TRPC4AP: variants seen among roughly 807,000 people sequenced by gnomAD.
TRPC4AP encodes short transient receptor potential channel 4-associated protein.
A neutral mutation model predicts 99.0 loss-of-function variants in TRPC4AP; 45 were observed. The observed-to-expected ratio is 0.45, with a 90% CI of 0.36 to 0.58. The LOEUF is 0.58. Ranked by LOEUF, TRPC4AP falls within the 20% of genes least tolerant of loss-of-function variation. The pLI is 0.00. For missense variants in TRPC4AP, 879 were observed against 985.3 expected (o/e 0.89, Z 1.44); for synonymous variants, 408 against 385.8 (o/e 1.06, Z -0.67).
chr20:35,005,006 C>T (rs1355628684), intron 16 of TRPC4AP, among the ~76,000 whole-genome samples: 3 of 152,230 alleles, frequency 2.0e-5, no homozygotes, highest in Admixed American at 2.0e-4. Flanking sequence ...CGGCCCAGTG[C>T]TGAGACCACA....
At chr20:35,058,281 G>C (rs1600612702) in intron 3 of TRPC4AP, among the ~76,000 whole-genome samples, 1 of 152,186 alleles carries the variant, frequency 6.6e-6, no homozygotes, top group South Asian at 2.1e-4. Flanking sequence ...AGAAATAGAA[G>C]ACTTGAACAC....
intron 7 of TRPC4AP, among the ~76,000 whole-genome samples, chr20:35,038,294 TATC>T (rs2083370272): frequency 6.7e-6 from 1 of 149,824 alleles, no homozygotes; most frequent in Admixed American, 6.7e-5. Flanking sequence ...TTTTTTAACA[TATC>T]AGCTTGGCAA....
Position 35,081,651 on chromosome 20 carries a change from A to G in TRPC4AP, c.169-3477T>C, listed in dbSNP as rs147999684. On this transcript the variant is annotated intron_variant, in intron 1 of 18. Coordinates refer to ENST00000252015, the MANE Select transcript of TRPC4AP (RefSeq NM_015638.3). ...ATAATACTCAATGTAAACATATACC[A>G]AAAGGTAGTATAACTATATTAAAAT... 7.6e-3 allele frequency among the ~76,000 whole-genome samples: 1,158 copies of G among 152,334 alleles called. 9 individuals are homozygous for G. Among genetic ancestry groups the G allele is most frequent in the African/African-American group, 0.026 (1,100 of 41,582 alleles).
At chr20:35,053,191 A>T (rs2083745500) in intron 5 of TRPC4AP, among the ~76,000 whole-genome samples, 1 of 152,202 alleles carries the variant, frequency 6.6e-6, no homozygotes, top group Non-Finnish European at 1.5e-5. Context: ...TCTTTATGCT[A>T]AGAACCATTC....
intron 6 of TRPC4AP, among the ~76,000 whole-genome samples, chr20:35,045,489 GC>G (rs1388655878): frequency 6.6e-6 from 1 of 151,986 alleles, no homozygotes; most frequent in East Asian, 1.9e-4. Context: ...TCCTACCTCA[GC>G]TTCCCAAGTA....
intron 16 of TRPC4AP, among the ~76,000 whole-genome samples, chr20:35,005,285 C>A (rs2082493234): frequency 6.6e-6 from 1 of 152,174 alleles, no homozygotes; most frequent in Non-Finnish European, 1.5e-5. Flanking sequence ...CTGGATGCCA[C>A]AAGCCCTCTC....
At chr20:35,045,865 G>T (rs2083550933) in intron 6 of TRPC4AP, among the ~76,000 whole-genome samples, 1 of 152,016 alleles carries the variant, frequency 6.6e-6, no homozygotes, top group Admixed American at 6.6e-5. Context: ...TGGAGACAGG[G>T]TCTCACTATT....
chr20:35,055,095 C>A, intron 4 of TRPC4AP, 64 bp from the exon 5 acceptor site: 1 of 1,431,888 alleles, frequency 7.0e-7, no homozygotes, highest in Non-Finnish European at 9.8e-7. Flanking sequence ...ACAGTTACCA[C>A]ATTTTTTTCA....
chr20:35,015,438 G>A (rs2082730906), intron 10 of TRPC4AP, among the ~76,000 whole-genome samples: 1 of 151,138 alleles, frequency 6.6e-6, no homozygotes, highest in Non-Finnish European at 1.5e-5. Context: ...AGGGGAAGTT[G>A]GCTAGAGGGC....
intron 9 of TRPC4AP, among the ~76,000 whole-genome samples, chr20:35,016,675 T>A (rs984624904): frequency 6.6e-6 from 1 of 152,168 alleles, no homozygotes; most frequent in Non-Finnish European, 1.5e-5. Context: ...TCTGAAGGAT[T>A]ATAATAAACC....
chr20:35,066,107 T>C (rs2084137536), intron 3 of TRPC4AP, among the ~76,000 whole-genome samples: 1 of 151,200 alleles, frequency 6.6e-6, no homozygotes, highest in Non-Finnish European at 1.5e-5. Flanking sequence ...GCATAAAGAG[T>C]ACAATTTTTT....
chr20:35,020,916 T>C (rs2082870980), intron 9 of TRPC4AP, among the ~76,000 whole-genome samples: 1 of 152,150 alleles, frequency 6.6e-6, no homozygotes, highest in Non-Finnish European at 1.5e-5. Flanking sequence ...AACTCTTTAG[T>C]CTTCACCTCA....
chr20:35,069,405 G>C lies in TRPC4AP; in HGVS notation c.305C>G (p.Ser102Cys), dbSNP rs756349785. The C allele has an allele frequency of 1.9e-6, 3 of 1,601,268 alleles. No homozygotes were observed. Among genetic ancestry groups the C allele is most frequent in the Non-Finnish European group, 2.6e-6 (3 of 1,171,040 alleles). The change falls in exon 3 of 19, where the codon TCT becomes TGT. Residue 102 changes from serine (S) to cysteine (C), a missense_variant. Coordinates refer to ENST00000252015, the MANE Select transcript of TRPC4AP (RefSeq NM_015638.3). ...CATAGCCTCCATGGAGAGAAGAGGA[G>C]AAATTTCCTAGTTTTTTTAAAAAAA... is the stretch of plus-strand genomic sequence containing the variant. ...VECQNILKEI[S>C]PLLSMEAMAF...
intron 9 of TRPC4AP, among the ~76,000 whole-genome samples, chr20:35,017,160 G>T (rs940481742): frequency 3.9e-5 from 6 of 152,000 alleles, no homozygotes; most frequent in Admixed American, 1.3e-4. Context: ...CCACTCAATG[G>T]GATACAAGGC....
At chr20:35,084,554 T>TA (rs2084759204) in intron 1 of TRPC4AP, among the ~76,000 whole-genome samples, 2 of 136,934 alleles carry the variant, frequency 1.5e-5, no homozygotes, top group African/African-American at 5.3e-5. Context: ...GTATATATGT[T>TA]TATATGCATA....
rs1224586825 is a variant in TRPC4AP at position 35,032,449 on chromosome 20, T to C, written c.1051+2674A>G. ...AAATAGTCCTTTACTTCTTCAAGCATAGTTTTAGTTCTTTGATCTTTTTTT... is the reference window on the plus strand; with the variant it reads ...AAATAGTCCTTTACTTCTTCAAGCACAGTTTTAGTTCTTTGATCTTTTTTT... On this transcript the variant is annotated intron_variant, in intron 8 of 18. Transcript: ENST00000252015. 3.9e-4 allele frequency among the ~76,000 whole-genome samples: 59 copies of C among 150,500 alleles called. 1 individual carries two copies. The highest frequency in any genetic ancestry group is 3.9e-3 in the Admixed American group (58 of 15,022).
intron 6 of TRPC4AP, among the ~76,000 whole-genome samples, chr20:35,049,565 A>AT (rs1292516107): frequency 1.3e-5 from 2 of 152,192 alleles, no homozygotes; most frequent in African/African-American, 4.8e-5. Flanking sequence ...CCCAACGGTG[A>AT]TGAGTGAGGG....
At chr20:35,050,068 G>A (rs1261253596) in intron 5 of TRPC4AP, 74 bp from the exon 6 acceptor site, 1 of 1,515,314 alleles carries the variant, frequency 6.6e-7, no homozygotes, top group Non-Finnish European at 8.9e-7. Context: ...ATCCTTTACA[G>A]ACACTGAAAA....
At chr20:35,004,653 G>T in intron 16 of TRPC4AP, 83 bp from the exon 17 acceptor site, 1 of 1,175,846 alleles carries the variant, frequency 8.5e-7, no homozygotes. Flanking sequence ...GCCCCGCTTG[G>T]GTCCTGACTC....
Sources: gnomAD v4.1 joint callset for allele counts (sites outside exome capture counted in the v4.1 genomes callset) on GRCh38, gnomAD v4.1.1 for gene constraint, MANE v1.5 for transcripts, NCBI Gene and HGNC (gene_info 2026-07-23, HGNC 2026-07-21) for gene names.